Variants in KIFC3 observed in about 807,000 individuals in gnomAD.
KIFC3 encodes kinesin-like protein KIFC3.
A neutral mutation model predicts 101.8 loss-of-function variants in KIFC3; 60 were observed. The observed-to-expected ratio is 0.59, with a 90% CI of 0.48 to 0.73. The LOEUF (loss-of-function observed/expected upper bound fraction) is 0.73. Ranked by LOEUF, KIFC3 falls within the 30% of genes least tolerant of loss-of-function variation. KIFC3 has a pLI of 0.00. For synonymous variants in KIFC3, 476 were observed against 482.7 expected (o/e 0.99, Z 0.18); for missense variants, 966 against 1,137.1 (o/e 0.85, Z 2.16).
Position 57,765,360 on chromosome 16 carries a change from C to A in KIFC3, c.1512+99G>T, listed in dbSNP as rs530694615. On this transcript the variant is annotated intron_variant, in intron 11 of 19. Transcript: ENST00000445690. ...CCCCACTTCTGATTCCTGCACCCCCCACTCTTAACGCTTCTTCCTGCCCAG... is the reference window on the plus strand; with the variant it reads ...CCCCACTTCTGATTCCTGCACCCCCAACTCTTAACGCTTCTTCCTGCCCAG... 8.4e-5 allele frequency: 102 copies of A among 1,207,644 alleles called. 1 individual carries two copies. In the African/African-American group the frequency reaches 1.2e-3, roughly 14 times the overall value. 74.8% of individuals were successfully genotyped at this position (1,207,644 alleles called of 1,614,324 possible).
intron 1 of KIFC3, among the ~76,000 whole-genome samples, chr16:57,850,763 G>A (rs1477063178): frequency 3.9e-5 from 6 of 151,920 alleles, no homozygotes; most frequent in Middle Eastern, 3.4e-3. Flanking sequence ...GGAGTGAGCC[G>A]CTGTGCCCAG....
At position 57,802,423 on chromosome 16, in the gene KIFC3, G is replaced by A. The variant is rs1464113304; in HGVS notation, c.-93C>T. 3.1e-6 allele frequency: 3 copies of A among 982,884 alleles called. No individual in the cohort carries two copies. The highest frequency in any genetic ancestry group is 3.6e-6 in the Non-Finnish European group (3 of 828,896). 60.9% of individuals were successfully genotyped at this position (982,884 alleles called of 1,614,324 possible). A position where few individuals can be genotyped will look rare whatever the true frequency, so the allele number is the denominator to read the frequency against. On this transcript the variant is annotated 5_prime_UTR_variant, in exon 1 of 20. Coordinates refer to ENST00000445690, the MANE Select transcript of KIFC3 (RefSeq NM_001130100.2). This position sits in a 1 kb window ranked among gnomAD's most constrained non-coding sequence, Gnocchi z 5.0. ...CGCCGCAGCGCCCGGGGCTCGGCCC[G>A]GCCCGGCCCGCCGGCAGGAGGCAGC... is the stretch of plus-strand genomic sequence containing the variant.
At chr16:57,858,753 C>T (rs2056232747) in intron 1 of KIFC3, among the ~76,000 whole-genome samples, 1 of 152,100 alleles carries the variant, frequency 6.6e-6, no homozygotes, top group African/African-American at 2.4e-5. Context: ...TCAAGACCAG[C>T]CTGGCCAACA....
chr16:57,828,427 A>T (rs1480319685), intron 1 of KIFC3, among the ~76,000 whole-genome samples: 3 of 152,162 alleles, frequency 2.0e-5, no homozygotes, highest in Non-Finnish European at 4.4e-5. Context: ...GGCCATGAGG[A>T]AATGGTGTGA....
chr16:57,834,254 G>C (rs1312682297), intron 1 of KIFC3, among the ~76,000 whole-genome samples: 3 of 152,124 alleles, frequency 2.0e-5, no homozygotes, highest in African/African-American at 7.2e-5. Flanking sequence ...GTTACCATCT[G>C]TGAAAATAAT....
intron 1 of KIFC3, among the ~76,000 whole-genome samples, chr16:57,834,043 T>C (rs1555479885): frequency 6.6e-6 from 1 of 151,836 alleles, no homozygotes; most frequent in Non-Finnish European, 1.5e-5. Flanking sequence ...TTTGTATTTT[T>C]AGTAGAGACA....
chr16:57,793,449 T>C (rs1236972779), intron 3 of KIFC3, among the ~76,000 whole-genome samples: 6 of 150,076 alleles, frequency 4.0e-5, no homozygotes, highest in Admixed American at 6.6e-5. Context: ...AAACATTAGC[T>C]GGGCACGGTG....
At position 57,764,156 on chromosome 16, in the gene KIFC3, G is replaced by A; in HGVS notation, c.1604C>T (p.Thr535Met). The A allele has an allele frequency of 3.1e-6, 5 of 1,612,156 alleles. No individual in the cohort carries two copies. Among genetic ancestry groups the A allele is most frequent in the Non-Finnish European group, 4.2e-6 (5 of 1,179,404 alleles). The change falls in exon 12 of 20, where the codon ACG (threonine) becomes ATG (methionine). Residue 535 changes from threonine to methionine, a missense_variant. Physicochemically the swap from Thr to Met is moderately conservative, Grantham distance 81. Transcript: ENST00000445690. ...GGCAGCACCCACCTCCATCGTGTAC[G>A]TCTTGCCGGCGCCCGTCTGGCCGTA... is the stretch of plus-strand genomic sequence containing the variant. ...FAYGQTGAGK[T>M]YTMEGTAENP...
intron 11 of KIFC3, among the ~76,000 whole-genome samples, chr16:57,764,859 C>A (rs2050282748): frequency 6.9e-6 from 1 of 145,924 alleles, no homozygotes; most frequent in Non-Finnish European, 1.5e-5. Flanking sequence ...GTGGGAGGGG[C>A]CTGAAAGTGG....
chr16:57,815,621 T>C, intron 1 of KIFC3: 1 of 1,289,970 alleles, frequency 7.8e-7, no homozygotes, highest in Non-Finnish European at 1.0e-6. Context: ...CTGCACCTGA[T>C]GTTGGAAACG....
intron 1 of KIFC3, chr16:57,813,816 T>A (rs1452185466): frequency 1.0e-6 from 1 of 984,982 alleles, no homozygotes; most frequent in Non-Finnish European, 1.2e-6. Flanking sequence ...ATCTCCAGAG[T>A]CACAGCCTGA....
Position 57,795,097 on chromosome 16 carries a change from C to A in KIFC3, c.217G>T (p.Ala73Ser), listed in dbSNP as rs781950042. ...TPVCGDEDSSARSAARPALAQ... is the reference protein window; with the variant it reads ...TPVCGDEDSSSRSAARPALAQ... Reference sequence around the variant, plus strand: ...AGGGCTGGGCGAGCTGCACTTCGGGCACTGGAGTCCTCGTCACCGCAGACT... The same window carrying A: ...AGGGCTGGGCGAGCTGCACTTCGGGAACTGGAGTCCTCGTCACCGCAGACT... Residue 73 changes from alanine to serine, a missense_variant, in exon 3 of 20, where the codon GCC (alanine) becomes TCC (serine). By Grantham distance (99) the Ala-to-Ser change is moderately conservative (BLOSUM62 1). Around this residue, in one of 2 missense-constraint regions of KIFC3, gnomAD observed 277 missense variants for 252.5 expected, o/e 1.10. Transcript: ENST00000445690. 2.0e-5 allele frequency: 32 copies of A among 1,610,068 alleles called. No individual in the cohort carries two copies. The highest frequency in any genetic ancestry group is 2.4e-5 in the Non-Finnish European group (28 of 1,178,432).
intron 1 of KIFC3, among the ~76,000 whole-genome samples, chr16:57,855,032 C>A (rs1484127488): frequency 5.3e-5 from 8 of 149,832 alleles, no homozygotes; most frequent in Non-Finnish European, 1.0e-4. Flanking sequence ...TGAGCCTGGG[C>A]AACATAGCAA....
chr16:57,862,673 T>C, intron 1 of KIFC3: 2 of 596,418 alleles, frequency 3.4e-6, no homozygotes, highest in South Asian at 3.3e-5. Flanking sequence ...CTGAAATTTC[T>C]CTCCAACAGG....
chr16:57,810,208 C>T (rs1443658822), intron 1 of KIFC3, among the ~76,000 whole-genome samples: 2 of 152,120 alleles, frequency 1.3e-5, no homozygotes, highest in African/African-American at 4.8e-5. Context: ...AAAAATTCCT[C>T]CTGGGTGGGG....
chr16:57,832,932 G>T (rs2055613781), intron 1 of KIFC3, among the ~76,000 whole-genome samples: 1 of 152,106 alleles, frequency 6.6e-6, no homozygotes, highest in Admixed American at 6.6e-5. Context: ...AGCCGGCCAG[G>T]CTCGGTGGCT....
intron 1 of KIFC3, among the ~76,000 whole-genome samples, chr16:57,851,641 A>G (rs1303826436): frequency 6.7e-6 from 1 of 150,250 alleles, no homozygotes; most frequent in Non-Finnish European, 1.5e-5. Context: ...ATCCCGACTC[A>G]CTGCAACCTC....
At chr16:57,844,092 A>T (rs1320408924) in intron 1 of KIFC3, among the ~76,000 whole-genome samples, 1 of 150,956 alleles carries the variant, frequency 6.6e-6, no homozygotes, top group African/African-American at 2.4e-5. Context: ...TGGGCGACAG[A>T]GTGAGAATCC....
At chr16:57,767,646 T>C (rs782486999) in intron 9 of KIFC3, among the ~76,000 whole-genome samples, 17 of 152,086 alleles carry the variant, frequency 1.1e-4, no homozygotes, top group Non-Finnish European at 1.9e-4. Flanking sequence ...TATACTTTAT[T>C]TTTTTTGAGA....
Sources: gnomAD v4.1 joint callset for allele counts (sites outside exome capture counted in the v4.1 genomes callset) on GRCh38, gnomAD v4.1.1 for gene constraint, gnomAD v4.1.1 regional missense constraint, Gnocchi (gnomAD v3.1) non-coding constraint, MANE v1.5 for transcripts, NCBI Gene and HGNC (gene_info 2026-07-23, HGNC 2026-07-21) for gene names.